SCYL2: variants seen among roughly 807,000 people sequenced by gnomAD.
SCYL2 encodes the protein SCY1 like pseudokinase 2.
In SCYL2, 36 loss-of-function variants were observed where a neutral mutation model predicts 100.4. The ratio of observed to expected loss-of-function variants is 0.36; its 90% CI spans 0.27 to 0.47. SCYL2 has a LOEUF of 0.47. SCYL2 is among the 20% of genes least tolerant of loss of function. SCYL2 has a pLI of 1.00. For missense variants in SCYL2, 902 were observed against 1,083.9 expected (o/e 0.83, Z 2.36); for synonymous variants, 330 against 359.2 (o/e 0.92, Z 0.92).
intron 2 of SCYL2, among the ~76,000 whole-genome samples, chr12:100,287,480 A>G (rs1362182098): frequency 6.6e-6 from 1 of 152,226 alleles, no homozygotes; most frequent in Non-Finnish European, 1.5e-5. Flanking sequence ...CTTAAAAATT[A>G]TAAATTAGGT....
chr12:100,277,785 C>T (rs2096294069), intron 1 of SCYL2, among the ~76,000 whole-genome samples: 2 of 152,214 alleles, frequency 1.3e-5, no homozygotes, highest in South Asian at 2.1e-4. Flanking sequence ...GTTCCTTCCT[C>T]TTTTCCGCTT....
intron 11 of SCYL2, among the ~76,000 whole-genome samples, chr12:100,325,201 A>C (rs1194932760): frequency 6.6e-6 from 1 of 151,732 alleles, no homozygotes; most frequent in Non-Finnish European, 1.5e-5. Flanking sequence ...GCCGCTCCCC[A>C]CCCCGCCCAA....
At chr12:100,270,892 A>G (rs936403256) in intron 1 of SCYL2, among the ~76,000 whole-genome samples, 4 of 151,898 alleles carry the variant, frequency 2.6e-5, no homozygotes, top group Non-Finnish European at 5.9e-5. Flanking sequence ...CTTTTCATCT[A>G]GTAGGTACCC....
At chr12:100,277,988 AG>A (rs2096294264) in intron 1 of SCYL2, among the ~76,000 whole-genome samples, 1 of 152,130 alleles carries the variant, frequency 6.6e-6, no homozygotes, top group Non-Finnish European at 1.5e-5. Context: ...ATATAATGTA[AG>A]GATCTTTAAA....
chr12:100,286,774 T>C (rs1460463936), intron 2 of SCYL2, among the ~76,000 whole-genome samples: 6 of 151,724 alleles, frequency 4.0e-5, no homozygotes. Context: ...TACAAAAGCA[T>C]AATTAAATTA....
chr12:100,336,955 G>A (rs545649427), intron 16 of SCYL2, among the ~76,000 whole-genome samples: 1 of 152,242 alleles, frequency 6.6e-6, no homozygotes, highest in South Asian at 2.1e-4. Context: ...TAAAAGACAA[G>A]ACATCAAATT....
In SCYL2 at chr12:100,334,252, G is replaced by T. The variant is rs767337013; in HGVS notation, c.1848G>T (p.Met616Ile). ...CTAAACTGGAGCAACTTCATATAAT[G>T]CAAGAACAGCAGAAGTAAGTAGGTT... is the stretch of plus-strand genomic sequence containing the variant. The part of the protein sequence containing the change: ...HKTKLEQLHI[M>I]QEQQKSLDIG... The change falls in exon 14 of 18, where the codon ATG (methionine) becomes ATT (isoleucine). Residue 616 changes from methionine (M) to isoleucine (I), a missense_variant. Met to Ile is a conservative substitution (Grantham distance 10, BLOSUM62 1). Coordinates refer to ENST00000360820, the MANE Select transcript of SCYL2 (RefSeq NM_017988.6). 6.3e-7 allele frequency: 1 copy of T among 1,575,634 alleles called. No individual in the cohort carries two copies. Among genetic ancestry groups the T allele is most frequent in the East Asian group, 2.2e-5 (1 of 44,578 alleles).
intron 4 of SCYL2, among the ~76,000 whole-genome samples, chr12:100,300,481 T>G (rs2096326272): frequency 5.3e-5 from 8 of 152,240 alleles, no homozygotes; most frequent in Admixed American, 5.2e-4. Flanking sequence ...GCATTTATCC[T>G]CTGTATTACA....
intron 11 of SCYL2, among the ~76,000 whole-genome samples, chr12:100,324,630 A>T (rs1279216976): frequency 6.6e-6 from 1 of 152,212 alleles, no homozygotes; most frequent in Non-Finnish European, 1.5e-5. Flanking sequence ...AAAGTAGAAA[A>T]AGAAATCATT....
chr12:100,332,984 G>A (rs193114738), intron 13 of SCYL2, among the ~76,000 whole-genome samples: 80 of 152,090 alleles, frequency 5.3e-4, no homozygotes, highest in African/African-American at 1.9e-3. Flanking sequence ...CCAAAGTGCT[G>A]GGACTACAGG....
rs140370696 is a variant in SCYL2 at position 100,310,006 on chromosome 12, G to GT, written c.481-1029dup. On this transcript the variant is annotated intron_variant, in intron 4 of 17. Transcript: ENST00000360820. ...TTCTTTTTTCTTTCTCTTTTATTTT[G>GT]TTTTTTTTTGGAGATGGCGTCTTGC... 2.5e-3 allele frequency among the ~76,000 whole-genome samples: 371 copies of GT among 148,426 alleles called. 5 individuals are homozygous for GT. In the East Asian group the frequency reaches 0.037, roughly 15 times the overall value.
In SCYL2 at chr12:100,338,934, T is replaced by C; in HGVS notation, c.2552T>C (p.Val851Ala). The C allele has an allele frequency of 1.2e-6, 2 of 1,614,156 alleles. No homozygotes were observed. Among genetic ancestry groups the C allele is most frequent in the Non-Finnish European group, 1.7e-6 (2 of 1,179,974 alleles). Residue 851 changes from valine to alanine, a missense_variant, in exon 18 of 18, where the codon GTT becomes GCT. Val to Ala is a moderately conservative substitution (Grantham distance 64). Transcript: ENST00000360820. ...NNLFGPQKPK[V>A]SMNQLSQQKP... Reference sequence around the variant, plus strand: ...CTCTTTGGCCCTCAGAAACCCAAAGTTAGCATGAACCAGTTATCACAACAG... The same window carrying C: ...CTCTTTGGCCCTCAGAAACCCAAAGCTAGCATGAACCAGTTATCACAACAG...
At chr12:100,328,616 C>T (rs7298702) in intron 12 of SCYL2, among the ~76,000 whole-genome samples, 128 of 152,140 alleles carry the variant, frequency 8.4e-4, no homozygotes, top group African/African-American at 2.8e-3. Context: ...GAGAATGAGG[C>T]GGAAATGTAC....
chr12:100,300,896 T>C (rs554028361), intron 4 of SCYL2, among the ~76,000 whole-genome samples: 1 of 152,354 alleles, frequency 6.6e-6, no homozygotes, highest in Admixed American at 6.5e-5. Flanking sequence ...TGTTCATCTG[T>C]TGATGGACAC....
intron 14 of SCYL2, 106 bp from the exon 15 acceptor site, chr12:100,335,517 GTT>G (rs1320872499): frequency 2.6e-6 from 2 of 757,936 alleles, no homozygotes; most frequent in Non-Finnish European, 4.3e-6. Context: ...TTCTTAAAGA[GTT>G]TAATTGGGGT....
At chr12:100,320,261 C>G (rs867818784) in intron 10 of SCYL2, among the ~76,000 whole-genome samples, 1 of 151,956 alleles carries the variant, frequency 6.6e-6, no homozygotes. Context: ...TTCCTCATCC[C>G]GGGCTGGGTG....
intron 3 of SCYL2, among the ~76,000 whole-genome samples, chr12:100,295,426 G>A (rs1002543025): frequency 1.4e-4 from 22 of 152,294 alleles, no homozygotes; most frequent in African/African-American, 5.3e-4. Context: ...CTGAGTGAAC[G>A]AGACTCCGTC....
intron 13 of SCYL2, among the ~76,000 whole-genome samples, chr12:100,332,370 T>G (rs1209578166): frequency 6.6e-6 from 1 of 152,168 alleles, no homozygotes; most frequent in Non-Finnish European, 1.5e-5. Context: ...CAGTTAATAA[T>G]AGGAACCTTT....
intron 13 of SCYL2, among the ~76,000 whole-genome samples, chr12:100,332,307 A>G (rs187325982): frequency 5.3e-5 from 8 of 152,324 alleles, no homozygotes; most frequent in Admixed American, 5.2e-4. Flanking sequence ...GCAGGTGTAC[A>G]GCATAGAACA....
Sources: gnomAD v4.1 joint callset for allele counts (sites outside exome capture counted in the v4.1 genomes callset) on GRCh38, gnomAD v4.1.1 for gene constraint, MANE v1.5 for transcripts, NCBI Gene and HGNC (gene_info 2026-07-23, HGNC 2026-07-21) for gene names.